The following PDE1A variants were observed in gnomAD, a reference collection of about 807,000 sequenced individuals.
PDE1A encodes the protein dual specificity calcium/calmodulin-dependent 3',5'-cyclic nucleotide phosphodiesterase 1A.
A neutral mutation model predicts 61.7 loss-of-function variants in PDE1A; 35 were observed. The ratio of observed to expected loss-of-function variants is 0.57; its 90% CI spans 0.43 to 0.75. PDE1A has a LOEUF of 0.75. Among genes scored for constraint, PDE1A ranks in the 30% least tolerant of loss-of-function variants. The pLI is 0.00. For missense variants in PDE1A, 597 were observed against 630.6 expected, an observed-to-expected ratio of 0.95 and a Z score of 0.57; for synonymous variants, 232 against 213.2, an observed-to-expected ratio of 1.09 and a Z score of -0.77.
intron 10 of PDE1A, among the ~76,000 whole-genome samples, chr2:182,194,388 A>ATC (rs912552299): frequency 6.6e-6 from 1 of 152,074 alleles, no homozygotes; most frequent in African/African-American, 2.4e-5. Context: ...GCTGATATTG[A>ATC]TCTCTCTCTC....
At chr2:182,366,871 T>A (rs1208559493) in intron 1 of PDE1A, among the ~76,000 whole-genome samples, 2 of 152,044 alleles carry the variant, frequency 1.3e-5, no homozygotes, top group Admixed American at 6.6e-5. Context: ...CCTTGAGCAA[T>A]CAGAGTGGTA....
chr2:182,714,415 T>C, the PDE1A span, among the ~76,000 whole-genome samples: 647 of 152,340 alleles, frequency 4.2e-3, 4 homozygotes, highest in African/African-American at 0.015. Flanking sequence ...AGATATGATC[T>C]AGGAACCTTG....
chr2:182,693,184 T>C, the PDE1A span, among the ~76,000 whole-genome samples: 1 of 152,154 alleles, frequency 6.6e-6, no homozygotes, highest in East Asian at 1.9e-4. Context: ...CAAATATATA[T>C]AAAATCAGTA....
At chr2:182,275,367 C>T (rs1693331085) in intron 1 of PDE1A, among the ~76,000 whole-genome samples, 1 of 152,096 alleles carries the variant, frequency 6.6e-6, no homozygotes, top group South Asian at 2.1e-4. Flanking sequence ...GATCCAAGCA[C>T]AAGTCAGCTG....
At chr2:182,328,979 TA>T (rs1697226111) in intron 1 of PDE1A, among the ~76,000 whole-genome samples, 1 of 152,184 alleles carries the variant, frequency 6.6e-6, no homozygotes, top group African/African-American at 2.4e-5. Flanking sequence ...TTTCTTTGTG[TA>T]AACATGGGCT....
At chr2:182,251,341 G>T (rs1691386825) in intron 2 of PDE1A, among the ~76,000 whole-genome samples, 1 of 152,096 alleles carries the variant, frequency 6.6e-6, no homozygotes, top group Non-Finnish European at 1.5e-5. Context: ...CAACACTTGG[G>T]GCATAGTCTT....
the PDE1A span, among the ~76,000 whole-genome samples, chr2:182,647,550 G>A: frequency 6.6e-6 from 1 of 152,182 alleles, no homozygotes; most frequent in Non-Finnish European, 1.5e-5. Flanking sequence ...GATAGTTATT[G>A]AGACAGACTA....
intron 4 of PDE1A, among the ~76,000 whole-genome samples, 179 bp from the exon 5 acceptor site, chr2:182,231,310 G>T (rs1378532028): frequency 6.6e-6 from 1 of 152,150 alleles, no homozygotes; most frequent in Non-Finnish European, 1.5e-5. Context: ...CCACAAAATT[G>T]AGGCCATAAT....
intron 2 of PDE1A, chr2:182,522,242 T>C (rs774889519): frequency 7.0e-6 from 11 of 1,560,296 alleles, no homozygotes; most frequent in Middle Eastern, 1.7e-4. Context: ...GTCAAATCTT[T>C]TGGGGGGAAA....
the PDE1A span, among the ~76,000 whole-genome samples, chr2:182,611,393 CA>C: frequency 6.6e-6 from 1 of 152,092 alleles, no homozygotes; most frequent in Non-Finnish European, 1.5e-5. Context: ...ATATATATGC[CA>C]AAAAGGTAGC....
At chr2:182,523,750 C>A (rs371061144), upstream of PDE1A, among the ~76,000 whole-genome samples, 40 of 152,078 alleles carry the variant, frequency 2.6e-4, no homozygotes, top group African/African-American at 9.2e-4. Flanking sequence ...TACTCCTGTT[C>A]AACAGTTGAG....
At chr2:182,418,571 G>C (rs966488477) in intron 1 of PDE1A, among the ~76,000 whole-genome samples, 1 of 151,994 alleles carries the variant, frequency 6.6e-6, no homozygotes. Flanking sequence ...CTTCAACAGC[G>C]GAATGAACTG....
rs149024008 is a variant in PDE1A, at chr2:182,356,690, C to T, written c.53+69888G>A. 9.6e-3 allele frequency among the ~76,000 whole-genome samples: 1,456 copies of T among 152,028 alleles called. 27 individuals carry two copies. The highest frequency in any genetic ancestry group is 0.033 in the African/African-American group (1,381 of 41,458). On this transcript the variant is annotated intron_variant, in intron 1 of 13. Transcript: ENST00000351439. ...TGGAGGTTGCAGTGAGCCAAGATGG[C>T]GCCACTGCACTCCAGCCTGAACGAT...
chr2:182,409,648 C>G (rs1702499091), intron 1 of PDE1A, among the ~76,000 whole-genome samples: 2 of 152,134 alleles, frequency 1.3e-5, no homozygotes, highest in Non-Finnish European at 2.9e-5. Flanking sequence ...TTTGCTTACT[C>G]TTCCATTCAT....
chr2:182,650,800 G>A, the PDE1A span, among the ~76,000 whole-genome samples: 1 of 152,140 alleles, frequency 6.6e-6, no homozygotes, highest in South Asian at 2.1e-4. Flanking sequence ...GAAAACACTT[G>A]AAAGAGAACA....
intron 2 of PDE1A, among the ~76,000 whole-genome samples, chr2:182,445,484 A>G (rs150771480): frequency 1.3e-5 from 2 of 152,274 alleles, no homozygotes; most frequent in African/African-American, 4.8e-5. Context: ...GATTTCCTTC[A>G]GGAGAGTTGA....
chr2:182,213,918 C>T (rs1013413693), intron 7 of PDE1A, among the ~76,000 whole-genome samples: 13 of 127,798 alleles, frequency 1.0e-4, no homozygotes, highest in East Asian at 2.5e-4. Flanking sequence ...ATACAGAGAA[C>T]GCCACAAAGA....
At chr2:182,368,529 T>C (rs1323239394) in intron 1 of PDE1A, among the ~76,000 whole-genome samples, 1 of 152,128 alleles carries the variant, frequency 6.6e-6, no homozygotes, top group African/African-American at 2.4e-5. Context: ...CATCACCTTT[T>C]TTTTTTTTAA....
chr2:182,313,956 T>A (rs1161795511), intron 1 of PDE1A, among the ~76,000 whole-genome samples: 2 of 152,192 alleles, frequency 1.3e-5, no homozygotes, highest in African/African-American at 4.8e-5. Context: ...AATGAAGCAG[T>A]CACTGTGGAA....
Sources: gnomAD v4.1 joint callset for allele counts (sites outside exome capture counted in the v4.1 genomes callset) on GRCh38, gnomAD v4.1.1 for gene constraint, MANE v1.5 for transcripts, NCBI Gene and HGNC (gene_info 2026-07-23, HGNC 2026-07-21) for gene names.